Variants in RAB38 observed in about 807,000 individuals in gnomAD.
RAB38 encodes the protein ras-related protein Rab-38.
RAB38 carries 15 observed loss-of-function variants against 18.4 expected under a neutral mutation model. The observed-to-expected ratio is 0.82, with a 90% confidence interval of 0.55 to 1.26. The LOEUF is 1.26. RAB38 is among the 50% of genes most tolerant of loss of function. RAB38 has a pLI of 0.00. For missense variants in RAB38, 294 were observed against 267.4 expected (o/e 1.10, Z -0.69); for synonymous variants, 101 against 104.4 (o/e 0.97, Z 0.20).
chr11:87,941,197 T>A, the RAB38 span, among the ~76,000 whole-genome samples: 1 of 104,074 alleles, frequency 9.6e-6, no homozygotes, highest in Non-Finnish European at 1.9e-5. Flanking sequence ...AGGATATATA[T>A]TTTTATAAAT....
chr11:87,813,474 C>T, the RAB38 span, among the ~76,000 whole-genome samples: 1 of 147,812 alleles, frequency 6.8e-6, no homozygotes, highest in Non-Finnish European at 1.5e-5. Flanking sequence ...AAAATAAAGG[C>T]ATGCACACAT....
At chr11:87,951,419 T>G in the RAB38 span, among the ~76,000 whole-genome samples, 3 of 152,172 alleles carry the variant, frequency 2.0e-5, no homozygotes, top group African/African-American at 7.2e-5. Flanking sequence ...CCATCCAGCT[T>G]TGTTCTGTTG....
the RAB38 span, among the ~76,000 whole-genome samples, chr11:87,935,598 T>C: frequency 6.6e-6 from 1 of 152,136 alleles, no homozygotes; most frequent in African/African-American, 2.4e-5. Context: ...ATAATGCAGA[T>C]AGGTCCAGTG....
chr11:88,009,119 G>A, the RAB38 span, among the ~76,000 whole-genome samples: 10 of 152,108 alleles, frequency 6.6e-5, no homozygotes, highest in African/African-American at 2.4e-4. Flanking sequence ...CTTCCAGAGA[G>A]AAAAATCAGC....
At chr11:88,015,479 G>T in the RAB38 span, among the ~76,000 whole-genome samples, 1 of 152,088 alleles carries the variant, frequency 6.6e-6, no homozygotes, top group East Asian at 1.9e-4. Flanking sequence ...CATCATGAAG[G>T]TAAAGCACCT....
At chr11:87,846,176 G>A in the RAB38 span, among the ~76,000 whole-genome samples, 3 of 152,016 alleles carry the variant, frequency 2.0e-5, no homozygotes, top group Non-Finnish European at 4.4e-5. Flanking sequence ...TCAGGAAGGG[G>A]AGGATATGCA....
the RAB38 span, among the ~76,000 whole-genome samples, chr11:87,890,909 TA>T: frequency 1.3e-5 from 2 of 151,710 alleles, no homozygotes; most frequent in African/African-American, 4.8e-5. Context: ...GAACCCTTGT[TA>T]AAAAAAATAT....
chr11:87,869,597 G>A, the RAB38 span, among the ~76,000 whole-genome samples: 5 of 151,534 alleles, frequency 3.3e-5, no homozygotes, highest in Non-Finnish European at 5.9e-5. Flanking sequence ...GTATATTTTA[G>A]GTCTGTAGTC....
At chr11:88,100,517 T>G in the RAB38 span, among the ~76,000 whole-genome samples, 1 of 152,104 alleles carries the variant, frequency 6.6e-6, no homozygotes, top group African/African-American at 2.4e-5. Flanking sequence ...ATCCAATCCA[T>G]CAAAGAATCT....
chr11:88,159,199 CAATAAATAAATA>C (rs58379713), intron 1 of RAB38, among the ~76,000 whole-genome samples: 34,834 of 142,202 alleles, frequency 0.24, 4,256 homozygotes, highest in Admixed American at 0.27. Flanking sequence ...ACAATAGCAG[CAATAAATAAATA>C]AATAAATAAA....
the RAB38 span, among the ~76,000 whole-genome samples, chr11:88,059,905 A>G: frequency 6.6e-6 from 1 of 152,180 alleles, no homozygotes. Context: ...CCTGGTGCCC[A>G]ATTCTCTGGA....
At chr11:87,971,687 A>G in the RAB38 span, among the ~76,000 whole-genome samples, 1 of 152,168 alleles carries the variant, frequency 6.6e-6, no homozygotes, top group African/African-American at 2.4e-5. Context: ...CAGAGGCATA[A>G]CCAGGTTCTA....
the RAB38 span, among the ~76,000 whole-genome samples, chr11:87,890,455 G>T: frequency 6.6e-5 from 10 of 151,728 alleles, no homozygotes; most frequent in Non-Finnish European, 1.3e-4. Context: ...TCCCTCACCT[G>T]CCAGAGTGAC....
chr11:87,842,818 A>ATG, the RAB38 span, among the ~76,000 whole-genome samples: 1 of 4,204 alleles, frequency 2.4e-4, no homozygotes, highest in African/African-American at 5.1e-4. Context: ...ACGCGCGCGC[A>ATG]CACACACACA....
At chr11:88,083,995 T>C in the RAB38 span, among the ~76,000 whole-genome samples, 1 of 151,962 alleles carries the variant, frequency 6.6e-6, no homozygotes, top group Non-Finnish European at 1.5e-5. Flanking sequence ...TATCCTAGAA[T>C]TGTGCCTGGA....
the RAB38 span, among the ~76,000 whole-genome samples, chr11:87,967,459 A>T: frequency 5.9e-5 from 9 of 152,192 alleles, no homozygotes; most frequent in Non-Finnish European, 1.3e-4. Context: ...TAATAATTTT[A>T]AAATATCTTC....
chr11:88,154,100 CAAAGCATGCCAAGGG>C (rs1943096811), intron 1 of RAB38, among the ~76,000 whole-genome samples: 1 of 152,178 alleles, frequency 6.6e-6, no homozygotes, highest in Non-Finnish European at 1.5e-5. Context: ...GGGATCCCAG[CAAAGCATGCCAAGGG>C]AAAGCACTTT....
the RAB38 span, among the ~76,000 whole-genome samples, chr11:88,063,577 G>T: frequency 5.9e-5 from 9 of 152,150 alleles, no homozygotes; most frequent in African/African-American, 2.2e-4. Flanking sequence ...GTGTCGATAT[G>T]GTTTGGCTCT....
chr11:88,159,287 G>T lies in RAB38; in HGVS notation c.203-9332C>A, dbSNP rs1356850306. Reference sequence around the variant, plus strand: ...CATCTAACCAAGGAAGAAGGTAAAAGATCTCTACAAGGAGAACTATGAAAC... The same window carrying T: ...CATCTAACCAAGGAAGAAGGTAAAATATCTCTACAAGGAGAACTATGAAAC... On this transcript the variant is annotated intron_variant, in intron 1 of 2. Coordinates refer to ENST00000243662, the MANE Select transcript of RAB38 (RefSeq NM_022337.3). 2.0e-5 allele frequency among the ~76,000 whole-genome samples: 3 copies of T among 151,106 alleles called. No individual in the cohort carries two copies. In the East Asian group the frequency reaches 5.8e-4, roughly 29 times the overall value.
Sources: allele counts gnomAD v4.1 joint callset (sites outside exome capture counted in the v4.1 genomes callset), GRCh38; gene constraint gnomAD v4.1.1; transcripts MANE v1.5; gene names NCBI Gene and HGNC (gene_info 2026-07-23, HGNC 2026-07-21).